TNNI3K: variants seen among roughly 807,000 people sequenced by gnomAD.
TNNI3K encodes serine/threonine-protein kinase TNNI3K.
In TNNI3K, 140 loss-of-function variants were observed where a neutral mutation model predicts 114.5. The observed-to-expected ratio is 1.22, with a 90% confidence interval of 1.07 to 1.41. The LOEUF (loss-of-function observed/expected upper bound fraction) is 1.41, where lower values mean the gene tolerates loss of function less well. TNNI3K is among the 40% of genes most tolerant of loss of function. The pLI is 0.00. For missense variants in TNNI3K, 1,125 were observed against 1,007.6 expected (o/e 1.12, Z -1.58); for synonymous variants, 347 against 347.5 (o/e 1.00, Z 0.02).
intron 17 of TNNI3K, among the ~76,000 whole-genome samples, chr1:74,413,495 A>G (rs1033892706): frequency 6.6e-6 from 1 of 152,180 alleles, no homozygotes; most frequent in Admixed American, 6.5e-5. Context: ...CCTAAATTTT[A>G]AGAATATTGT....
At chr1:74,303,027 T>A (rs1658419615) in intron 5 of TNNI3K, among the ~76,000 whole-genome samples, 1 of 152,188 alleles carries the variant, frequency 6.6e-6, no homozygotes, top group African/African-American at 2.4e-5. Flanking sequence ...TGTCAGCAAC[T>A]AATGCAGCAG....
At chr1:74,277,084 G>A (rs562586943) in intron 5 of TNNI3K, among the ~76,000 whole-genome samples, 18 of 152,216 alleles carry the variant, frequency 1.2e-4, no homozygotes, top group African/African-American at 3.6e-4. Flanking sequence ...TAGGTTTGGG[G>A]AATGTGAGTC....
Position 74,540,181 on chromosome 1 carries a change from A to C in TNNI3K, c.2352-53A>C. ...AGTGGAAAAATTCTGTGTTTATAAAAATGTTATTATCAGATCACCATACTG... is the reference window on the plus strand; with the variant it reads ...AGTGGAAAAATTCTGTGTTTATAAACATGTTATTATCAGATCACCATACTG... On this transcript the variant is annotated intron_variant, in intron 23 of 24. Transcript: ENST00000326637. The C allele has an allele frequency of 3.8e-6, 6 of 1,580,408 alleles. No individual in the cohort carries two copies. In the South Asian group the frequency reaches 7.0e-5, roughly 18 times the overall value.
At chr1:74,331,755 C>T (rs1249183867) in intron 6 of TNNI3K, among the ~76,000 whole-genome samples, 1 of 152,138 alleles carries the variant, frequency 6.6e-6, no homozygotes, top group African/African-American at 2.4e-5. Flanking sequence ...TCTTATTACA[C>T]AAAGAGGCAG....
intron 23 of TNNI3K, among the ~76,000 whole-genome samples, chr1:74,497,731 A>T (rs191122891): frequency 5.9e-4 from 90 of 152,250 alleles, no homozygotes; most frequent in African/African-American, 1.8e-3. Context: ...CTCATGCTCT[A>T]ACCCACCTAC....
At position 74,373,852 on chromosome 1, in the gene TNNI3K, T is replaced by C. The variant is rs569397008; in HGVS notation, c.1772+3460T>C. On this transcript the variant is annotated intron_variant, in intron 17 of 24. Transcript: ENST00000326637. ...GCAAGCAAAGCCAGCTGAGGGTTTG[T>C]ACCATCCAGTTCTGAAAGTTAATTT... 3.9e-5 allele frequency: 6 copies of C among 152,036 alleles called. 1 individual carries two copies. In the South Asian group the frequency reaches 1.2e-3, roughly 31 times the overall value. The allele number at this position is 152,036 out of a possible 1,614,324, so 9.4% of individuals were successfully genotyped here.
intron 17 of TNNI3K, among the ~76,000 whole-genome samples, chr1:74,400,134 A>G (rs551585098): frequency 3.9e-5 from 6 of 152,284 alleles, no homozygotes; most frequent in African/African-American, 1.4e-4. Context: ...GCAATCCTAT[A>G]TTAATTACCA....
At chr1:74,296,360 T>G (rs893595935) in intron 5 of TNNI3K, among the ~76,000 whole-genome samples, 1 of 152,194 alleles carries the variant, frequency 6.6e-6, no homozygotes, top group Non-Finnish European at 1.5e-5. Flanking sequence ...AGCTTTAGGA[T>G]ACTTTAAAGT....
intron 2 of TNNI3K, 100 bp downstream of exon 2, chr1:74,236,310 A>C (rs1176861027): frequency 1.2e-5 from 12 of 1,005,804 alleles, no homozygotes; most frequent in Non-Finnish European, 1.7e-5. Flanking sequence ...AGAACCTCAG[A>C]CATAAGCAGT....
At chr1:74,400,092 C>T (rs780735774) in intron 17 of TNNI3K, among the ~76,000 whole-genome samples, 25 of 152,150 alleles carry the variant, frequency 1.6e-4, no homozygotes, top group Non-Finnish European at 1.8e-4. Context: ...TGTATAAGGG[C>T]CCTATGCCAC....
intron 5 of TNNI3K, among the ~76,000 whole-genome samples, chr1:74,321,367 G>T (rs560830641): frequency 1.3e-5 from 2 of 151,856 alleles, no homozygotes; most frequent in Admixed American, 6.6e-5. Context: ...CTTTTCTTTC[G>T]CTTTCTGGCT....
At chr1:74,452,957 C>T (rs1667088299) in intron 20 of TNNI3K, among the ~76,000 whole-genome samples, 1 of 152,122 alleles carries the variant, frequency 6.6e-6, no homozygotes, top group Non-Finnish European at 1.5e-5. Flanking sequence ...ATTTTTAGGT[C>T]TTAGTCTAAA....
intron 5 of TNNI3K, among the ~76,000 whole-genome samples, chr1:74,297,135 C>T (rs1003009898): frequency 2.0e-5 from 3 of 151,672 alleles, no homozygotes; most frequent in Non-Finnish European, 4.4e-5. Context: ...AATACCTTCC[C>T]TGTGTTTTCT....
intron 20 of TNNI3K, among the ~76,000 whole-genome samples, chr1:74,457,757 T>A (rs956504193): frequency 1.3e-5 from 2 of 152,152 alleles, no homozygotes; most frequent in Admixed American, 1.3e-4. Context: ...CTTTAGGGAT[T>A]GAGAATCTAA....
rs60688934 is a variant in TNNI3K, at chr1:74,543,064, C to CTTTTTTTTTT, written c.2432-822_2432-813dup. On this transcript the variant is annotated intron_variant, in intron 24 of 24. Transcript: ENST00000326637. ...CTTTTCCTTTTCTTTTTCTTTTTCC[C>CTTTTTTTTTT]TTTTTTTTTTTTTTTTTTTTTTTTT... 3.7e-3 allele frequency among the ~76,000 whole-genome samples: 25 copies of CTTTTTTTTTT among 6,748 alleles called. 9 individuals carry two copies. The highest frequency in any genetic ancestry group is 6.1e-3 in the Non-Finnish European group (17 of 2,794). The allele number at this position is 6,748 out of a possible 152,430, so 4.4% of individuals were successfully genotyped here.
intron 17 of TNNI3K, among the ~76,000 whole-genome samples, chr1:74,427,540 G>C (rs1043814093): frequency 2.0e-5 from 3 of 151,978 alleles, no homozygotes; most frequent in Non-Finnish European, 2.9e-5. Context: ...CAATGCACTA[G>C]AGAAATGTTA....
intron 5 of TNNI3K, among the ~76,000 whole-genome samples, chr1:74,274,466 AT>A (rs1656545817): frequency 6.6e-6 from 1 of 151,956 alleles, no homozygotes; most frequent in Non-Finnish European, 1.5e-5. Context: ...TTCATTTAAC[AT>A]TTTTTCAGCC....
chr1:74,392,439 T>C (rs1274635078), intron 17 of TNNI3K, among the ~76,000 whole-genome samples: 5 of 152,232 alleles, frequency 3.3e-5, no homozygotes, highest in African/African-American at 1.2e-4. Context: ...TAACTCCTCG[T>C]CTCTGACTCC....
At chr1:74,409,562 C>T (rs368027202) in intron 17 of TNNI3K, among the ~76,000 whole-genome samples, 152 of 145,374 alleles carry the variant, frequency 1.0e-3, no homozygotes, top group South Asian at 9.1e-3. Flanking sequence ...GGCACCATCT[C>T]GGCTCACTGC....
Sources: gnomAD v4.1 joint callset for allele counts (sites outside exome capture counted in the v4.1 genomes callset) on GRCh38, gnomAD v4.1.1 for gene constraint, MANE v1.5 for transcripts, NCBI Gene and HGNC (gene_info 2026-07-23, HGNC 2026-07-21) for gene names.